The following GRIN2B variants were observed in gnomAD, a reference collection of about 807,000 sequenced individuals.
GRIN2B encodes glutamate ionotropic receptor NMDA type subunit 2B.
GRIN2B carries 5 observed loss-of-function variants against 114.5 expected under a neutral mutation model. The ratio of observed to expected loss-of-function variants is 0.04; its 90% CI spans 0.02 to 0.09. GRIN2B has a LOEUF of 0.09. Among genes scored for constraint, GRIN2B ranks in the 10% least tolerant of loss-of-function variants. The pLI is 1.00. For missense variants in GRIN2B, 1,108 were observed against 1,943.5 expected (o/e 0.57, Z 8.08); for synonymous variants, 787 against 745.1 (o/e 1.06, Z -0.92).
At chr12:13,660,239 G>A (rs1028760515) in intron 5 of GRIN2B, among the ~76,000 whole-genome samples, 4 of 152,124 alleles carry the variant, frequency 2.6e-5, no homozygotes, top group African/African-American at 9.7e-5. Context: ...ACCACACACA[G>A]GCATGAATAA....
At chr12:13,776,473 T>C (rs2136651062) in intron 3 of GRIN2B, among the ~76,000 whole-genome samples, 1 of 152,278 alleles carries the variant, frequency 6.6e-6, no homozygotes, top group African/African-American at 2.4e-5. Flanking sequence ...AAATTCTGAA[T>C]TTTAGGAATT....
chr12:13,817,301 T>C (rs1365801391), intron 3 of GRIN2B, among the ~76,000 whole-genome samples: 1 of 151,420 alleles, frequency 6.6e-6, no homozygotes, highest in Non-Finnish European at 1.5e-5. Flanking sequence ...CTCCACAGCA[T>C]GTACTCTAGC....
At chr12:13,906,049 C>G (rs1189415365) in intron 2 of GRIN2B, among the ~76,000 whole-genome samples, 1 of 152,136 alleles carries the variant, frequency 6.6e-6, no homozygotes, top group Admixed American at 6.5e-5. Context: ...CAGCAAATAC[C>G]GTTGGGTAAA....
chr12:13,949,455 T>G (rs219923), intron 2 of GRIN2B, among the ~76,000 whole-genome samples: 71,569 of 151,844 alleles, frequency 0.47, 17,023 homozygotes, highest in East Asian at 0.54. Context: ...ATCTGAACAC[T>G]CAACCAGAGG....
At chr12:13,594,405 G>A (rs982635577) in intron 10 of GRIN2B, among the ~76,000 whole-genome samples, 15 of 151,626 alleles carry the variant, frequency 9.9e-5, no homozygotes, top group Non-Finnish European at 1.8e-4. Context: ...ACCATCATTC[G>A]CAGCAAACTA....
intron 5 of GRIN2B, among the ~76,000 whole-genome samples, chr12:13,638,855 T>C (rs943102536): frequency 6.6e-6 from 1 of 152,132 alleles, no homozygotes; most frequent in African/African-American, 2.4e-5. Context: ...CTGAATTTTC[T>C]GGACATTACC....
At chr12:13,703,694 T>C (rs1950332445) in intron 4 of GRIN2B, among the ~76,000 whole-genome samples, 1 of 152,182 alleles carries the variant, frequency 6.6e-6, no homozygotes. Context: ...TTAGGATGTT[T>C]TCAATTCACA....
intron 10 of GRIN2B, among the ~76,000 whole-genome samples, chr12:13,583,172 G>C (rs1473388988): frequency 6.6e-6 from 1 of 152,078 alleles, no homozygotes; most frequent in Non-Finnish European, 1.5e-5. Context: ...CCACATATAA[G>C]CCACTGAGCT....
At chr12:13,660,263 C>A (rs1054429134) in intron 5 of GRIN2B, among the ~76,000 whole-genome samples, 1 of 152,178 alleles carries the variant, frequency 6.6e-6, no homozygotes, top group African/African-American at 2.4e-5. Flanking sequence ...GAAGTACAAT[C>A]TTTGGGGGTC....
Position 13,560,745 on chromosome 12 carries a change from A to C in GRIN2B, c.*2038T>G, listed in dbSNP as rs954283379. On this transcript the variant is annotated 3_prime_UTR_variant, in exon 14 of 14. Coordinates refer to ENST00000609686, the MANE Select transcript of GRIN2B (RefSeq NM_000834.5). Reference sequence around the variant, plus strand: ...CCCATGTTCATTTTAGAAAGAAAACAAAGCTTTACAAGGCCTTCAGTTGGC... The same window carrying C: ...CCCATGTTCATTTTAGAAAGAAAACCAAGCTTTACAAGGCCTTCAGTTGGC... 1 of 152,288 alleles carries C rather than the reference A, an allele frequency of 6.6e-6. No homozygotes were observed. The highest frequency in any genetic ancestry group is 1.9e-4 in the East Asian group (1 of 5,192). The allele number at this position is 152,288 out of a possible 1,614,324, so 9.4% of individuals were successfully genotyped here.
At chr12:13,651,848 C>T (rs1947125563) in intron 5 of GRIN2B, among the ~76,000 whole-genome samples, 1 of 152,098 alleles carries the variant, frequency 6.6e-6, no homozygotes, top group African/African-American at 2.4e-5. Context: ...AAAAAGTCAT[C>T]TAACCTCTCC....
chr12:13,947,506 T>C (rs940622859), intron 2 of GRIN2B, among the ~76,000 whole-genome samples: 2 of 151,900 alleles, frequency 1.3e-5, no homozygotes, highest in African/African-American at 4.8e-5. Flanking sequence ...ATGTGGCCCA[T>C]AAAGGGAAAA....
At chr12:13,668,826 A>C (rs997172790) in intron 5 of GRIN2B, among the ~76,000 whole-genome samples, 1 of 151,774 alleles carries the variant, frequency 6.6e-6, no homozygotes, top group Non-Finnish European at 1.5e-5. Context: ...GCCACCAGGA[A>C]AGCTATGATA....
At chr12:13,566,910 TCTTG>T (rs1399787656) in intron 13 of GRIN2B, 111 bp downstream of exon 13, 7 of 793,650 alleles carry the variant, frequency 8.8e-6, no homozygotes, top group Admixed American at 5.2e-5. Context: ...TGATGTGGTT[TCTTG>T]CTTGAGCAAC....
chr12:13,890,967 G>T (rs1201460421), intron 2 of GRIN2B, among the ~76,000 whole-genome samples: 1 of 152,136 alleles, frequency 6.6e-6, no homozygotes, highest in Middle Eastern at 3.2e-3. Context: ...TTAAGGCAAT[G>T]GCTTTTCCAA....
chr12:13,641,074 T>TATC (rs1469680805), intron 5 of GRIN2B, among the ~76,000 whole-genome samples: 5 of 149,196 alleles, frequency 3.4e-5, no homozygotes, highest in South Asian at 4.2e-4. Flanking sequence ...GTATCATGCT[T>TATC]ATTATTATTA....
In GRIN2B at chr12:13,875,522, T is replaced by C. The variant is rs1051408266; in HGVS notation, c.-18-9296A>G. The stretch of plus-strand genomic sequence containing the variant: ...AGCCTGGTGACAGAGCAAGACTCTG[T>C]CTCAAAAGAAATAAAAAGTAAAAAA... On this transcript the variant is annotated intron_variant, in intron 2 of 13. Transcript: ENST00000609686. Among the ~76,000 whole-genome samples, 18 of 152,098 alleles carry C rather than the reference T, an allele frequency of 1.2e-4. 1 individual carries two copies. The highest frequency in any genetic ancestry group is 1.5e-5 in the Non-Finnish European group (1 of 68,018).
At chr12:13,579,972 G>A (rs1460512087) in intron 10 of GRIN2B, among the ~76,000 whole-genome samples, 1 of 152,198 alleles carries the variant, frequency 6.6e-6, no homozygotes, top group Non-Finnish European at 1.5e-5. Flanking sequence ...GGAACTCTCT[G>A]CTTTAAGACT....
At chr12:13,937,096 A>AAGGG (rs1491417524) in intron 2 of GRIN2B, among the ~76,000 whole-genome samples, 5 of 128,904 alleles carry the variant, frequency 3.9e-5, no homozygotes, top group African/African-American at 1.4e-4. Flanking sequence ...AAAAAAAAAA[A>AAGGG]GGGGGGGGGG....
Sources: gnomAD v4.1 joint callset for allele counts (sites outside exome capture counted in the v4.1 genomes callset) on GRCh38, gnomAD v4.1.1 for gene constraint, MANE v1.5 for transcripts, NCBI Gene and HGNC (gene_info 2026-07-23, HGNC 2026-07-21) for gene names.